NOVA1: variants seen among roughly 807,000 people sequenced by gnomAD.
The protein encoded by NOVA1 is NOVA alternative splicing regulator 1.
In NOVA1, 7 loss-of-function variants were observed where a neutral mutation model predicts 38.0. The ratio of observed to expected loss-of-function variants is 0.18; its 90% CI spans 0.10 to 0.35. The LOEUF (loss-of-function observed/expected upper bound fraction) is 0.35, where lower values mean the gene tolerates loss of function less well. Among genes scored for constraint, NOVA1 ranks in the 10% least tolerant of loss-of-function variants. The pLI, the probability that NOVA1 is intolerant of heterozygous loss-of-function variation, is 1.00. For synonymous variants in NOVA1, 270 were observed against 232.5 expected, an observed-to-expected ratio of 1.16 and a Z score of -1.47; for missense variants, 460 against 616.0, an observed-to-expected ratio of 0.75 and a Z score of 2.68.
intron 2 of NOVA1, among the ~76,000 whole-genome samples, chr14:26,488,581 C>A (rs1427790903): frequency 6.6e-6 from 1 of 152,046 alleles, no homozygotes; most frequent in African/African-American, 2.4e-5. Context: ...ATGCAAAAAA[C>A]AGTTAAGATG....
intron 2 of NOVA1, among the ~76,000 whole-genome samples, chr14:26,567,408 A>G (rs1045568529): frequency 6.9e-6 from 1 of 145,964 alleles, no homozygotes; most frequent in Admixed American, 7.3e-5. Flanking sequence ...CGATTCCCCT[A>G]CCTCAGCCTC....
intron 2 of NOVA1, among the ~76,000 whole-genome samples, chr14:26,581,594 A>T (rs1893227585): frequency 6.6e-6 from 1 of 151,990 alleles, no homozygotes; most frequent in South Asian, 2.1e-4. Flanking sequence ...TGAAAAAATA[A>T]CTTTTGTATG....
chr14:26,459,408 T>G (rs1050225418), intron 4 of NOVA1, among the ~76,000 whole-genome samples: 8 of 152,144 alleles, frequency 5.3e-5, no homozygotes, highest in Admixed American at 5.2e-4. Context: ...GGCCTAGGTG[T>G]GTATTAGGCT....
At chr14:26,539,027 C>T (rs1190437406) in intron 2 of NOVA1, among the ~76,000 whole-genome samples, 1 of 152,108 alleles carries the variant, frequency 6.6e-6, no homozygotes, top group African/African-American at 2.4e-5. Context: ...GATCCTTCTC[C>T]TATATCCTAG....
At chr14:26,565,692 A>T (rs1748685695) in intron 2 of NOVA1, among the ~76,000 whole-genome samples, 1 of 152,180 alleles carries the variant, frequency 6.6e-6, no homozygotes, top group African/African-American at 2.4e-5. Flanking sequence ...GTGGAATCAA[A>T]CTAATTACAT....
chr14:26,467,397 A>G (rs1884231163), intron 4 of NOVA1, among the ~76,000 whole-genome samples: 1 of 152,198 alleles, frequency 6.6e-6, no homozygotes, highest in South Asian at 2.1e-4. Context: ...GGAATGGCGG[A>G]GGCAAAAATT....
chr14:26,530,093 G>A (rs907144085), intron 2 of NOVA1, among the ~76,000 whole-genome samples: 1 of 152,130 alleles, frequency 6.6e-6, no homozygotes, highest in Non-Finnish European at 1.5e-5. Flanking sequence ...CTAATTTTTT[G>A]TATTTTTAGC....
chr14:26,522,122 G>A (rs1013973636), intron 2 of NOVA1, among the ~76,000 whole-genome samples: 1 of 151,884 alleles, frequency 6.6e-6, no homozygotes, highest in African/African-American at 2.4e-5. Context: ...TAATATTTTA[G>A]GGTCATGTCC....
At chr14:26,483,198 T>G (rs1885599676) in intron 2 of NOVA1, among the ~76,000 whole-genome samples, 1 of 152,178 alleles carries the variant, frequency 6.6e-6, no homozygotes, top group Admixed American at 6.5e-5. Context: ...TCACAGAAAT[T>G]TAATAAAATA....
chr14:26,595,646 C>T (rs972818364), intron 1 of NOVA1, 93 bp from the exon 2 acceptor site: 12 of 1,064,630 alleles, frequency 1.1e-5, no homozygotes, highest in Non-Finnish European at 1.6e-5. Context: ...GCAACTAAAG[C>T]ACTGGGTATA....
Position 26,560,948 on chromosome 14 carries a change from C to A in NOVA1, c.280+34462G>T, listed in dbSNP as rs118133408. Among the ~76,000 whole-genome samples, 609 of 152,154 alleles carry A rather than the reference C, an allele frequency of 4.0e-3. 2 individuals are homozygous for A. Among genetic ancestry groups the A allele is most frequent in the Non-Finnish European group, 4.7e-3 (321 of 68,004 alleles). Reference sequence around the variant, plus strand: ...CCAGTGTCCTGAAGAATATAATTTCCAAATGCTCTATTACAGCAGAAGACA... The same window carrying A: ...CCAGTGTCCTGAAGAATATAATTTCAAAATGCTCTATTACAGCAGAAGACA... On this transcript the variant is annotated intron_variant, in intron 2 of 4. Transcript: ENST00000539517.
intron 2 of NOVA1, among the ~76,000 whole-genome samples, chr14:26,581,333 T>C (rs1893210637): frequency 1.3e-5 from 2 of 152,108 alleles, no homozygotes; most frequent in South Asian, 2.1e-4. Flanking sequence ...CACAGTGATC[T>C]GACCAGAGTT....
At position 26,448,340 on chromosome 14, in the gene NOVA1, C is replaced by A. The variant is rs765597538; in HGVS notation, c.1143G>T (p.Gly381=). 5 of 1,614,076 alleles carry A rather than the reference C, an allele frequency of 3.1e-6. No homozygotes were observed. The highest frequency in any genetic ancestry group is 1.1e-5 in the South Asian group (1 of 91,068). ...CAGCCAGGCTACCTAATGCAAATGT[C>A]CCCGCCGTACCACCAGCTGTGCTGC... The part of the protein sequence containing the change: ...ASGSTAGGTA[G]TFALGSLAAA... The change falls in exon 5 of 5, where the codon GGG becomes GGT. Residue 381 remains glycine (G), a synonymous_variant. Coordinates refer to ENST00000539517, the MANE Select transcript of NOVA1 (RefSeq NM_002515.3). This position sits in a 1 kb window ranked among gnomAD's most constrained non-coding sequence, Gnocchi z 5.3.
chr14:26,540,284 C>A (rs929080277), intron 2 of NOVA1, among the ~76,000 whole-genome samples: 1 of 152,126 alleles, frequency 6.6e-6, no homozygotes, highest in African/African-American at 2.4e-5. Flanking sequence ...GGAGTGCAAA[C>A]CCTATTATGA....
Position 26,510,501 on chromosome 14 carries a change from T to G in NOVA1, c.281-30358A>C, listed in dbSNP as rs536011748. On this transcript the variant is annotated intron_variant, in intron 2 of 4. Coordinates refer to ENST00000539517, the MANE Select transcript of NOVA1 (RefSeq NM_002515.3). The stretch of plus-strand genomic sequence containing the variant: ...AAAGGAAACTTAAAAGTTGCAAAGG[T>G]CAAGGATACATACTCTCTTTTAAAA... Among the ~76,000 whole-genome samples the G allele has an allele frequency of 4.5e-4, 68 of 152,168 alleles. 2 individuals are homozygous for G. In the East Asian group the frequency reaches 8.5e-3, roughly 19 times the overall value.
intron 2 of NOVA1, among the ~76,000 whole-genome samples, chr14:26,518,938 T>C (rs893730040): frequency 2.0e-5 from 3 of 152,182 alleles, no homozygotes; most frequent in African/African-American, 7.2e-5. Context: ...TACTTTTTCA[T>C]TTTTGTTCCA....
chr14:26,482,189 C>T (rs1410635959), intron 2 of NOVA1, among the ~76,000 whole-genome samples: 3 of 152,064 alleles, frequency 2.0e-5, no homozygotes, highest in African/African-American at 7.2e-5. Flanking sequence ...AGCTAAATTT[C>T]ACATATTAGC....
At chr14:26,536,725 GA>G (rs1890124189) in intron 2 of NOVA1, among the ~76,000 whole-genome samples, 2 of 151,758 alleles carry the variant, frequency 1.3e-5, no homozygotes, top group Non-Finnish European at 2.9e-5. Flanking sequence ...ACACAAAATG[GA>G]AAAAAGGGGG....
chr14:26,553,144 AG>A (rs1370878839), intron 2 of NOVA1, among the ~76,000 whole-genome samples: 5 of 152,222 alleles, frequency 3.3e-5, no homozygotes, highest in Non-Finnish European at 7.3e-5. Flanking sequence ...TAGGCAAGAC[AG>A]GTAAAAGAAC....
Sources: allele counts gnomAD v4.1 joint callset (sites outside exome capture counted in the v4.1 genomes callset), GRCh38; gene constraint gnomAD v4.1.1; non-coding constraint Gnocchi (gnomAD v3.1); transcripts MANE v1.5; gene names NCBI Gene and HGNC (gene_info 2026-07-23, HGNC 2026-07-21).